The following PLCZ1 variants were observed in gnomAD, a reference collection of about 807,000 sequenced individuals.
PLCZ1 encodes the protein 1-phosphatidylinositol 4,5-bisphosphate phosphodiesterase zeta-1.
PLCZ1 carries 64 observed loss-of-function variants against 76.8 expected under a neutral mutation model. The observed-to-expected ratio is 0.83, with a 90% CI of 0.68 to 1.03. PLCZ1 has a LOEUF of 1.03. Ranked by LOEUF, PLCZ1 falls within the 50% of genes least tolerant of loss-of-function variation. The pLI, the probability that PLCZ1 is intolerant of heterozygous loss-of-function variation, is 0.00. For synonymous variants in PLCZ1, 248 were observed against 230.8 expected (o/e 1.07, Z -0.68); for missense variants, 751 against 713.7 (o/e 1.05, Z -0.60).
intron 5 of PLCZ1, among the ~76,000 whole-genome samples, chr12:18,716,142 G>A (rs1001297569): frequency 1.1e-4 from 16 of 152,038 alleles, no homozygotes; most frequent in African/African-American, 3.6e-4. Context: ...TTGCTTTCCT[G>A]ACTCGTATTT....
At chr12:18,717,726 T>C (rs541755712) in intron 5 of PLCZ1, among the ~76,000 whole-genome samples, 40 of 152,276 alleles carry the variant, frequency 2.6e-4, no homozygotes, top group African/African-American at 8.7e-4. Flanking sequence ...ATGAACATCT[T>C]GATTCCTCTC....
intron 3 of PLCZ1, among the ~76,000 whole-genome samples, chr12:18,727,226 T>A (rs1484873647): frequency 6.6e-6 from 1 of 151,824 alleles, no homozygotes; most frequent in African/African-American, 2.4e-5. Flanking sequence ...TGCCTGCCTG[T>A]AGTCCCAGCT....
rs1378119644 is a variant in PLCZ1 at position 18,688,173 on chromosome 12, T to C, written c.1507A>G (p.Lys503Glu). ...TCTATAATTACTAATGAATCACCTT[T>C]GTTAGATGATGAATGAGTAAGAGGC... ...QLPLTHSSSN[K>E]GDSLVIIEVF... The change falls in exon 13 of 15, where the codon AAA (lysine) becomes GAA (glutamate). Residue 503 changes from lysine (K) to glutamate (E), a missense_variant. Coordinates refer to ENST00000266505, the MANE Select transcript of PLCZ1 (RefSeq NM_033123.4). 1 of 1,610,824 alleles carries C rather than the reference T, an allele frequency of 6.2e-7. No homozygotes were observed. Among genetic ancestry groups the C allele is most frequent in the South Asian group, 1.1e-5 (1 of 91,048 alleles).
At chr12:18,680,860 G>A (rs143274707), downstream of PLCZ1, among the ~76,000 whole-genome samples, 182 of 152,132 alleles carry the variant, frequency 1.2e-3, no homozygotes, top group Middle Eastern at 6.8e-3. Flanking sequence ...TTTGGATGTC[G>A]TCAAGAACAG....
At chr12:18,683,755 A>G (rs1030553515) in intron 14 of PLCZ1, 1 of 625,796 alleles carries the variant, frequency 1.6e-6, no homozygotes, top group Non-Finnish European at 2.6e-6. Flanking sequence ...GGATAGTCTC[A>G]GGCTCCCAAT....
At chr12:18,699,185 C>T (rs1955535065) in intron 10 of PLCZ1, among the ~76,000 whole-genome samples, 1 of 152,166 alleles carries the variant, frequency 6.6e-6, no homozygotes, top group African/African-American at 2.4e-5. Flanking sequence ...CTCTGCACAG[C>T]CATCTGGTAG....
At chr12:18,726,370 C>T (rs1032886198) in intron 3 of PLCZ1, among the ~76,000 whole-genome samples, 1 of 152,112 alleles carries the variant, frequency 6.6e-6, no homozygotes, top group Admixed American at 6.6e-5. Context: ...CAAAGCATTA[C>T]AAAAAGCACT....
At chr12:18,665,629 C>G in the PLCZ1 span, among the ~76,000 whole-genome samples, 5 of 152,104 alleles carry the variant, frequency 3.3e-5, no homozygotes, top group East Asian at 7.8e-4. Flanking sequence ...CCTGTCTGTA[C>G]TGAAAATACA....
chr12:18,717,304 G>A (rs1032133541), intron 5 of PLCZ1, among the ~76,000 whole-genome samples: 3 of 151,998 alleles, frequency 2.0e-5, no homozygotes, highest in African/African-American at 7.2e-5. Flanking sequence ...AAATTGGGCT[G>A]TCTTTACAGA....
At chr12:18,721,375 C>T (rs1173436590) in intron 4 of PLCZ1, among the ~76,000 whole-genome samples, 1 of 151,864 alleles carries the variant, frequency 6.6e-6, no homozygotes, top group African/African-American at 2.4e-5. Context: ...CCAAAGTGAT[C>T]AATAATCATG....
chr12:18,701,238 G>T (rs1456950978), intron 9 of PLCZ1, among the ~76,000 whole-genome samples: 1 of 151,982 alleles, frequency 6.6e-6, no homozygotes, highest in Non-Finnish European at 1.5e-5. Flanking sequence ...GCCCACCTCA[G>T]CCTCCCAAAG....
chr12:18,668,903 A>G, the PLCZ1 span, among the ~76,000 whole-genome samples: 2 of 152,116 alleles, frequency 1.3e-5, no homozygotes, highest in South Asian at 2.1e-4. Flanking sequence ...TCAATTGTAA[A>G]TGTCAGCAAA....
At chr12:18,654,540 G>A in the PLCZ1 span, among the ~76,000 whole-genome samples, 3 of 152,148 alleles carry the variant, frequency 2.0e-5, no homozygotes, top group African/African-American at 7.2e-5. Flanking sequence ...GGATGAAAAC[G>A]CATCTGTGTC....
chr12:18,687,946 T>C, intron 13 of PLCZ1, 143 bp downstream of exon 13: 1 of 1,052,850 alleles, frequency 9.5e-7, no homozygotes, highest in Non-Finnish European at 1.4e-6. Flanking sequence ...TTGTTGCATA[T>C]AACATTTTGC....
chr12:18,681,001 C>T (rs538011317), downstream of PLCZ1, among the ~76,000 whole-genome samples: 3 of 152,020 alleles, frequency 2.0e-5, no homozygotes, highest in East Asian at 3.9e-4. Flanking sequence ...AGCATTGTTG[C>T]GTTTGGACGA....
chr12:18,719,258 T>C (rs1296557657), intron 5 of PLCZ1, among the ~76,000 whole-genome samples, 173 bp downstream of exon 5: 2 of 152,296 alleles, frequency 1.3e-5, no homozygotes, highest in African/African-American at 4.8e-5. Context: ...CGTTGCCACT[T>C]CATCCAAATG....
At chr12:18,661,237 GA>G in the PLCZ1 span, among the ~76,000 whole-genome samples, 1 of 152,052 alleles carries the variant, frequency 6.6e-6, no homozygotes, top group Admixed American at 6.6e-5. Flanking sequence ...ATTATTTGAA[GA>G]AATAGTACCC....
the PLCZ1 span, among the ~76,000 whole-genome samples, chr12:18,665,152 C>CATA: frequency 6.7e-6 from 1 of 149,556 alleles, no homozygotes; most frequent in Non-Finnish European, 1.5e-5. Flanking sequence ...AAACTTAAAG[C>CATA]ATAATAATAA....
the PLCZ1 span, among the ~76,000 whole-genome samples, chr12:18,675,111 T>C: frequency 1.3e-5 from 2 of 152,322 alleles, no homozygotes; most frequent in South Asian, 4.1e-4. Context: ...ATAATGTGGC[T>C]AGAGAACAAA....
Sources: gnomAD v4.1 joint callset for allele counts (sites outside exome capture counted in the v4.1 genomes callset) on GRCh38, gnomAD v4.1.1 for gene constraint, MANE v1.5 for transcripts, NCBI Gene and HGNC (gene_info 2026-07-23, HGNC 2026-07-21) for gene names.